The following UNC79 variants were observed in gnomAD, a reference collection of about 807,000 sequenced individuals.
UNC79 encodes protein unc-79 homolog.
Under a neutral mutation model 283.1 loss-of-function variants are expected in UNC79, and 37 were observed. That is an observed-to-expected ratio of 0.13 (90% CI 0.10 to 0.17). The LOEUF is 0.17. Among genes scored for constraint, UNC79 ranks in the 10% least tolerant of loss-of-function variants. The pLI, the probability that UNC79 is intolerant of heterozygous loss-of-function variation, is 1.00. For synonymous variants in UNC79, 1,107 were observed against 1,200.2 expected (o/e 0.92, Z 1.61); for missense variants, 2,272 against 3,211.1 (o/e 0.71, Z 7.07).
intron 4 of UNC79, among the ~76,000 whole-genome samples, chr14:93,485,753 C>T (rs1050927614): frequency 1.3e-5 from 2 of 152,050 alleles, no homozygotes; most frequent in Non-Finnish European, 1.5e-5. Flanking sequence ...TGAGTATCAC[C>T]GGCGTAGGCA....
At chr14:93,585,540 T>C (rs80066709) in intron 20 of UNC79, among the ~76,000 whole-genome samples, 3,858 of 152,322 alleles carry the variant, frequency 0.025, 149 homozygotes, top group African/African-American at 0.088. Flanking sequence ...AGGCGGAAGA[T>C]TCCCAATGGA....
exon 29 of UNC79, chr14:93,618,227 G>C (rs1596094548): frequency 2.5e-6 from 4 of 1,613,748 alleles, no homozygotes; most frequent in Non-Finnish European, 3.4e-6. Context: ...GCAAGATCCT[G>C]CTGCATCTGA....
intron 1 of UNC79, among the ~76,000 whole-genome samples, chr14:93,370,664 C>T (rs1165848699): frequency 2.0e-5 from 3 of 151,990 alleles, no homozygotes; most frequent in Admixed American, 6.6e-5. Context: ...CCTGGCTACT[C>T]GGGAGGCTGA....
intron 1 of UNC79, among the ~76,000 whole-genome samples, chr14:93,355,047 T>TA (rs1555398314): frequency 6.6e-6 from 1 of 150,538 alleles, no homozygotes. Flanking sequence ...TTTTTTTTTT[T>TA]GACAGAGTTT....
intron 22 of UNC79, among the ~76,000 whole-genome samples, chr14:93,587,676 A>T (rs1251479102): frequency 2.6e-5 from 4 of 152,330 alleles, no homozygotes; most frequent in African/African-American, 7.2e-5. Flanking sequence ...GTGACCATAT[A>T]ATTTAGTATT....
At position 93,665,223 on chromosome 14, in the gene UNC79, C is replaced by CA. The variant is rs11344323; in HGVS notation, c.6636+2519dup. On this transcript the variant is annotated intron_variant, in intron 40 of 48. Transcript: ENST00000555664. ...AATAATATAATAGATTTAGTCATTT[C>CA]AAAAAAAAAAGAAAATAAACCAGAC... is the stretch of plus-strand genomic sequence containing the variant. Among the ~76,000 whole-genome samples, 342 of 139,046 alleles carry CA rather than the reference C, an allele frequency of 2.5e-3. 2 individuals are homozygous for CA. The highest frequency in any genetic ancestry group is 6.4e-3 in the African/African-American group (251 of 38,936). 91.2% of individuals were successfully genotyped at this position (139,046 alleles called of 152,430 possible). A position where few individuals can be genotyped will look rare whatever the true frequency, so the allele number is the denominator to read the frequency against.
chr14:93,454,961 TTGA>T (rs1338647972), intron 1 of UNC79, among the ~76,000 whole-genome samples: 1 of 152,070 alleles, frequency 6.6e-6, no homozygotes, highest in Middle Eastern at 3.2e-3. Context: ...GATGATGATG[TTGA>T]TGATGCTAAT....
At chr14:93,473,896 C>G (rs2057656845) in intron 2 of UNC79, among the ~76,000 whole-genome samples, 193 bp from the exon 3 acceptor site, 3 of 152,164 alleles carry the variant, frequency 2.0e-5, no homozygotes, top group Admixed American at 2.0e-4. Context: ...ACAAAGTAAA[C>G]CTTGTATTAT....
At position 93,474,464 on chromosome 14, in the gene UNC79, G is replaced by T; in HGVS notation, c.448+71G>T. 2.7e-6 allele frequency: 4 copies of T among 1,465,160 alleles called. No individual in the cohort carries two copies. Among genetic ancestry groups the T allele is most frequent in the South Asian group, 2.7e-5 (2 of 73,652 alleles). 90.8% of individuals were successfully genotyped at this position (1,465,160 alleles called of 1,614,324 possible). A position where few individuals can be genotyped will look rare whatever the true frequency, so the allele number is the denominator to read the frequency against. On this transcript the variant is annotated intron_variant, in intron 3 of 48. Coordinates refer to ENST00000555664, the Ensembl canonical transcript of UNC79. The surrounding 1 kb of genome is among the most constrained non-coding windows in gnomAD (Gnocchi z 4.1). ...GAATGTATATGATGCTGAGCAAGGG[G>T]CTTGGAGATGGTCACTGTTGTAATC... is the stretch of plus-strand genomic sequence containing the variant.
intron 1 of UNC79, among the ~76,000 whole-genome samples, chr14:93,411,262 G>A (rs2055330730): frequency 6.6e-6 from 1 of 152,164 alleles, no homozygotes; most frequent in African/African-American, 2.4e-5. Flanking sequence ...TGATTTGAGT[G>A]CCATCTTAGC....
intron 7 of UNC79, among the ~76,000 whole-genome samples, chr14:93,498,940 A>G (rs1215762275): frequency 6.6e-6 from 1 of 152,180 alleles, no homozygotes; most frequent in South Asian, 2.1e-4. Context: ...AGGATTGCAC[A>G]CTGATGTTCT....
At chr14:93,502,380 T>C (rs1032488541) in intron 7 of UNC79, among the ~76,000 whole-genome samples, 1 of 152,130 alleles carries the variant, frequency 6.6e-6, no homozygotes, top group South Asian at 2.1e-4. Context: ...GCCACTGCAC[T>C]CCAGCCTGGG....
intron 7 of UNC79, among the ~76,000 whole-genome samples, chr14:93,517,940 T>A (rs2060147692): frequency 6.6e-6 from 1 of 151,578 alleles, no homozygotes; most frequent in African/African-American, 2.4e-5. Context: ...TGTGTGTGTG[T>A]GAAATGCAAT....
In UNC79 at chr14:93,415,394, T is replaced by A. The variant is rs780973634; in HGVS notation, c.-350-52277T>A. Among the ~76,000 whole-genome samples the A allele has an allele frequency of 6.6e-3, 1,009 of 152,326 alleles. 5 individuals carry two copies. Among genetic ancestry groups the A allele is most frequent in the Non-Finnish European group, 0.011 (735 of 68,024 alleles). ...CCACTTGATCATGGTGGATAAGCTT[T>A]TTGATGTGCTGCTGGATTCAGTTTG... is the stretch of plus-strand genomic sequence containing the variant. On this transcript the variant is annotated intron_variant, in intron 1 of 49. Coordinates refer to the UNC79 transcript ENST00000256339.
At chr14:93,462,582 A>T (rs2056998972) in intron 1 of UNC79, among the ~76,000 whole-genome samples, 1 of 152,190 alleles carries the variant, frequency 6.6e-6, no homozygotes, top group Non-Finnish European at 1.5e-5. Flanking sequence ...AGGCTGTTAG[A>T]CTTGATCAGG....
chr14:93,676,031 T>C (rs1420287010), intron 41 of UNC79, among the ~76,000 whole-genome samples: 1 of 152,216 alleles, frequency 6.6e-6, no homozygotes, highest in South Asian at 2.1e-4. Context: ...GAACAAGCAG[T>C]GTTCACACAG....
intron 1 of UNC79, among the ~76,000 whole-genome samples, chr14:93,410,725 C>T (rs981961028): frequency 1.3e-5 from 2 of 152,102 alleles, no homozygotes; most frequent in African/African-American, 4.8e-5. Context: ...AACCTGCTTC[C>T]TTGAAGGGAA....
At chr14:93,344,280 A>G (rs2053777108) in intron 1 of UNC79, among the ~76,000 whole-genome samples, 1 of 152,236 alleles carries the variant, frequency 6.6e-6, no homozygotes, top group African/African-American at 2.4e-5. Flanking sequence ...CCCAAAGAAA[A>G]AAGTCTTGAC....
chr14:93,680,577 A>G (rs577697152), intron 41 of UNC79, among the ~76,000 whole-genome samples: 1 of 152,012 alleles, frequency 6.6e-6, no homozygotes, highest in Admixed American at 6.5e-5. Flanking sequence ...CTGAAGACTT[A>G]GATAGCTATT....
Sources: allele counts gnomAD v4.1 joint callset (sites outside exome capture counted in the v4.1 genomes callset), GRCh38; gene constraint gnomAD v4.1.1; non-coding constraint Gnocchi (gnomAD v3.1); transcripts MANE v1.5; gene names NCBI Gene and HGNC (gene_info 2026-07-23, HGNC 2026-07-21).